SORCS3: variants seen among roughly 807,000 people sequenced by gnomAD.
The protein encoded by SORCS3 is VPS10 domain-containing receptor SorCS3.
SORCS3 carries 57 observed loss-of-function variants against 146.3 expected under a neutral mutation model. The observed-to-expected ratio is 0.39, with a 90% confidence interval of 0.31 to 0.49. The LOEUF (loss-of-function observed/expected upper bound fraction) is 0.49, where lower values mean the gene tolerates loss of function less well. Ranked by LOEUF, SORCS3 falls within the 20% of genes least tolerant of loss-of-function variation. SORCS3 has a pLI of 0.92. For missense variants in SORCS3, 1,341 were observed against 1,575.5 expected, an observed-to-expected ratio of 0.85 and a Z score of 2.52; for synonymous variants, 653 against 618.5, an observed-to-expected ratio of 1.06 and a Z score of -0.83.
chr10:104,987,133 A>T (rs1713699745), intron 4 of SORCS3, among the ~76,000 whole-genome samples: 1 of 152,118 alleles, frequency 6.6e-6, no homozygotes, highest in African/African-American at 2.4e-5. Flanking sequence ...ATACTTTTAA[A>T]TACAAGTATG....
chr10:104,714,793 C>T (rs2016457715), intron 1 of SORCS3, among the ~76,000 whole-genome samples: 1 of 152,150 alleles, frequency 6.6e-6, no homozygotes, highest in Non-Finnish European at 1.5e-5. Context: ...CCACAGACTT[C>T]CCTGCCTTTC....
intron 7 of SORCS3, among the ~76,000 whole-genome samples, chr10:105,115,356 A>G (rs1412201353): frequency 6.6e-6 from 1 of 152,198 alleles, no homozygotes; most frequent in Non-Finnish European, 1.5e-5. Context: ...GCAAGAATTG[A>G]GAGACTAATC....
intron 1 of SORCS3, among the ~76,000 whole-genome samples, chr10:104,697,000 A>G (rs943055609): frequency 6.6e-6 from 1 of 151,340 alleles, no homozygotes; most frequent in African/African-American, 2.4e-5. Flanking sequence ...TGTACAATGG[A>G]TACAAAATTT....
intron 7 of SORCS3, among the ~76,000 whole-genome samples, chr10:105,110,004 C>T (rs1354673739): frequency 6.6e-6 from 1 of 151,526 alleles, no homozygotes; most frequent in African/African-American, 2.4e-5. Flanking sequence ...TCCTTTCTTC[C>T]AGGACATCTA....
chr10:104,852,840 A>G (rs931311553), intron 2 of SORCS3, among the ~76,000 whole-genome samples: 2 of 152,228 alleles, frequency 1.3e-5, no homozygotes, highest in African/African-American at 4.8e-5. Flanking sequence ...ACATTCTGTC[A>G]GCATCAGGGC....
chr10:105,048,175 C>T (rs1267695969), intron 5 of SORCS3, among the ~76,000 whole-genome samples: 2 of 151,460 alleles, frequency 1.3e-5, no homozygotes, highest in Non-Finnish European at 2.9e-5. Flanking sequence ...CCAGCAATCC[C>T]ATTACTGGGT....
intron 7 of SORCS3, 85 bp from the exon 8 acceptor site, chr10:105,139,312 G>A (rs1389216437): frequency 1.9e-5 from 19 of 977,224 alleles, no homozygotes; most frequent in Non-Finnish European, 2.6e-5. Flanking sequence ...ACCCATTGTG[G>A]TTGTTGATAG....
chr10:104,735,456 G>GTTGTTTTTTTTTTTTTTTTTTTTTT (rs2016757341), intron 1 of SORCS3, among the ~76,000 whole-genome samples: 2 of 34,994 alleles, frequency 5.7e-5, no homozygotes, highest in Non-Finnish European at 9.7e-5. Context: ...CTCACCGTCT[G>GTTGTTTTTTTTTTTTTTTTTTTTTT]TTTTTTTTTT....
chr10:104,740,545 T>G (rs991855083), intron 1 of SORCS3, among the ~76,000 whole-genome samples: 4 of 152,220 alleles, frequency 2.6e-5, no homozygotes, highest in African/African-American at 4.8e-5. Flanking sequence ...ATTGTTGCTT[T>G]CTTAGTGTCT....
At chr10:105,249,823 T>C (rs1419294746) in intron 22 of SORCS3, among the ~76,000 whole-genome samples, 1 of 152,032 alleles carries the variant, frequency 6.6e-6, no homozygotes, top group African/African-American at 2.4e-5. Flanking sequence ...GAGGTGGCAG[T>C]TGCAGTGAAC....
intron 1 of SORCS3, among the ~76,000 whole-genome samples, chr10:104,810,668 C>G (rs1174931334): frequency 6.6e-6 from 1 of 152,128 alleles, no homozygotes; most frequent in African/African-American, 2.4e-5. Context: ...AGTGGAAATA[C>G]TGGGCCAGAG....
rs1027914157 is a variant in SORCS3, at chr10:105,171,445, C to T, written c.1901+4096C>T. Among the ~76,000 whole-genome samples the T allele has an allele frequency of 3.2e-4, 49 of 152,220 alleles. No homozygotes were observed. In the East Asian group the frequency reaches 5.2e-3, roughly 16 times the overall value. On this transcript the variant is annotated intron_variant, in intron 13 of 26. Coordinates refer to ENST00000369701, the MANE Select transcript of SORCS3 (RefSeq NM_014978.3). ...GCAGAGCACCTAATGGGCAGGTAGA[C>T]GAGGGTGTGACTGTTTGCTTAGCCC...
intron 5 of SORCS3, among the ~76,000 whole-genome samples, chr10:105,073,590 G>A (rs1434225768): frequency 6.6e-6 from 1 of 152,134 alleles, no homozygotes; most frequent in Non-Finnish European, 1.5e-5. Context: ...AGCACAGAAT[G>A]TTAGGCAGCA....
In SORCS3 at chr10:104,860,336, G is replaced by A. The variant is rs1235401386; in HGVS notation, c.695+17477G>A. Among the ~76,000 whole-genome samples the A allele has an allele frequency of 6.4e-5, 8 of 124,098 alleles. 1 individual carries two copies. The highest frequency in any genetic ancestry group is 1.9e-4 in the Admixed American group (2 of 10,706). 81.4% of individuals were successfully genotyped at this position (124,098 alleles called of 152,430 possible). A position where few individuals can be genotyped will look rare whatever the true frequency, so the allele number is the denominator to read the frequency against. On this transcript the variant is annotated intron_variant, in intron 2 of 26. Coordinates refer to ENST00000369701, the MANE Select transcript of SORCS3 (RefSeq NM_014978.3). ...TCGCAAGAACAAAAAACCAAACACC[G>A]CGTTTGCTCACTCATAGGTGGGAAT... is the stretch of plus-strand genomic sequence containing the variant.
rs576246536 is a variant in SORCS3, at chr10:105,188,816, C to G, written c.2009+10643C>G. On this transcript the variant is annotated intron_variant, in intron 14 of 26. Transcript: ENST00000369701. ...TTCCAGGTTTGTAATAATTTGCTCT[C>G]AAATTAATGACATCCAGCCAGTAAA... is the stretch of plus-strand genomic sequence containing the variant. Among the ~76,000 whole-genome samples, 6 of 152,254 alleles carry G rather than the reference C, an allele frequency of 3.9e-5. No homozygotes were observed. In the East Asian group the frequency reaches 5.8e-4, roughly 15 times the overall value.
chr10:105,042,566 G>C (rs949194783), intron 4 of SORCS3, among the ~76,000 whole-genome samples: 9 of 152,002 alleles, frequency 5.9e-5, no homozygotes, highest in African/African-American at 1.9e-4. Context: ...ATAATAAGAA[G>C]AGTGGCCTAG....
At chr10:105,047,743 T>C (rs1206937362) in intron 5 of SORCS3, among the ~76,000 whole-genome samples, 3 of 152,062 alleles carry the variant, frequency 2.0e-5, no homozygotes, top group Admixed American at 6.6e-5. Context: ...TAGGTCTTTA[T>C]TGTACTTTGC....
chr10:104,980,375 A>C (rs745990433), intron 4 of SORCS3, among the ~76,000 whole-genome samples: 3 of 152,220 alleles, frequency 2.0e-5, no homozygotes, highest in Non-Finnish European at 4.4e-5. Flanking sequence ...GATGGCATAA[A>C]ACACCTAGCC....
Position 104,641,510 on chromosome 10 carries a change from G to A in SORCS3, c.183G>A (p.Pro61=). The A allele has an allele frequency of 6.8e-7, 1 of 1,473,750 alleles. No individual in the cohort carries two copies. Among genetic ancestry groups the A allele is most frequent in the Non-Finnish European group, 8.9e-7 (1 of 1,121,092 alleles). The allele number at this position is 1,473,750 out of a possible 1,614,324, so 91.3% of individuals were successfully genotyped here. A position where few individuals can be genotyped will look rare whatever the true frequency, so the allele number is the denominator to read the frequency against. ...SRPPALSPLS[P]RAVASQWPEE... ...CACCGGCGTTGTCTCCACTCTCGCC[G>A]CGGGCAGTGGCCAGCCAGTGGCCGG... Residue 61 remains proline (P), a synonymous_variant, in exon 1 of 27, where the codon CCG becomes CCA. Coordinates refer to ENST00000369701, the MANE Select transcript of SORCS3 (RefSeq NM_014978.3). This position sits in a 1 kb window ranked among gnomAD's most constrained non-coding sequence, Gnocchi z 6.4.
Sources: allele counts gnomAD v4.1 joint callset (sites outside exome capture counted in the v4.1 genomes callset), GRCh38; gene constraint gnomAD v4.1.1; non-coding constraint Gnocchi (gnomAD v3.1); transcripts MANE v1.5; gene names NCBI Gene and HGNC (gene_info 2026-07-23, HGNC 2026-07-21).